The following DDC variants were observed in gnomAD, a reference collection of about 807,000 sequenced individuals.
DDC encodes the protein aromatic-L-amino-acid decarboxylase.
In DDC, 43 loss-of-function variants were observed where a neutral mutation model predicts 60.0. That is an observed-to-expected ratio of 0.72 (90% CI 0.56 to 0.92). The LOEUF (loss-of-function observed/expected upper bound fraction) is 0.92, where lower values mean the gene tolerates loss of function less well. DDC is among the 40% of genes least tolerant of loss of function. The pLI, the probability that DDC is intolerant of heterozygous loss-of-function variation, is 0.00. For missense variants in DDC, 573 were observed against 620.2 expected (o/e 0.92, Z 0.81); for synonymous variants, 232 against 234.6 (o/e 0.99, Z 0.10).
intron 10 of DDC, chr7:50,477,693 C>G (rs887196386): frequency 1.2e-5 from 4 of 343,928 alleles, no homozygotes; most frequent in African/African-American, 8.9e-5. Flanking sequence ...ACCTCCACCC[C>G]CTGTTTTATG....
rs561610700 is a variant in DDC at position 50,521,805 on chromosome 7, G to A, written c.714+6332C>T. Among the ~76,000 whole-genome samples the A allele has an allele frequency of 3.0e-4, 45 of 152,188 alleles. No homozygotes were observed. In the South Asian group the frequency reaches 9.1e-3, roughly 31 times the overall value. ...ACTCTTAACATCATACTTGATGAAT[G>A]AAAAACCTACTCTTAACATCATACT... On this transcript the variant is annotated intron_variant, in intron 6 of 14. Transcript: ENST00000444124.
intron 9 of DDC, among the ~76,000 whole-genome samples, chr7:50,487,412 A>G (rs963652174): frequency 6.6e-6 from 1 of 152,104 alleles, no homozygotes; most frequent in Non-Finnish European, 1.5e-5. Context: ...AGTTTATAAA[A>G]CACGCGAGGA....
intron 9 of DDC, among the ~76,000 whole-genome samples, chr7:50,483,345 AAC>A (rs1332004761): frequency 6.6e-6 from 1 of 152,220 alleles, no homozygotes; most frequent in East Asian, 1.9e-4. Flanking sequence ...ATCCAGATTA[AAC>A]ACAGTTTGGA....
intron 6 of DDC, among the ~76,000 whole-genome samples, chr7:50,513,450 A>G (rs2043640368): frequency 6.6e-6 from 1 of 152,186 alleles, no homozygotes. Flanking sequence ...GAACATTGTA[A>G]CAGTTCGAAC....
intron 1 of DDC, among the ~76,000 whole-genome samples, chr7:50,545,738 G>T (rs1029652493): frequency 6.6e-6 from 1 of 152,174 alleles, no homozygotes; most frequent in African/African-American, 2.4e-5. Flanking sequence ...CTCTCAAAGT[G>T]CTGGGATTAC....
intron 2 of DDC, chr7:50,542,910 G>A (rs1022550845): frequency 1.3e-5 from 2 of 152,286 alleles, no homozygotes; most frequent in African/African-American, 4.8e-5. Flanking sequence ...TCAGTGGACT[G>A]TAACCTTGTC....
At chr7:50,558,978 C>A (rs1381442271) in intron 1 of DDC, among the ~76,000 whole-genome samples, 4 of 152,230 alleles carry the variant, frequency 2.6e-5, no homozygotes, top group African/African-American at 9.6e-5. Flanking sequence ...CAGAAACAGG[C>A]AGAGGCTCAA....
At chr7:50,544,427 T>C (rs2044736464) in intron 1 of DDC, among the ~76,000 whole-genome samples, 1 of 152,182 alleles carries the variant, frequency 6.6e-6, no homozygotes, top group Admixed American at 6.5e-5. Context: ...TGACAAACAC[T>C]GGTCCAAGTC....
At chr7:50,496,555 G>A (rs890486508) in intron 8 of DDC, among the ~76,000 whole-genome samples, 1 of 152,112 alleles carries the variant, frequency 6.6e-6, no homozygotes, top group African/African-American at 2.4e-5. Context: ...ACCAAGAGTG[G>A]CAGAGGAGGA....
Position 50,483,909 on chromosome 7 carries a change from A to T in DDC, c.945-4046T>A, listed in dbSNP as rs1371632194. 3.6e-4 allele frequency among the ~76,000 whole-genome samples: 55 copies of T among 151,990 alleles called. No individual in the cohort carries two copies. In the East Asian group the frequency reaches 9.5e-3, roughly 26 times the overall value. ...ACAGAGCAAGATTCCATCTCAAAAA[A>T]AAAAAAAGAATAATAATTTGGGTAT... On this transcript the variant is annotated intron_variant, in intron 9 of 14. Transcript: ENST00000444124.
chr7:50,477,921 G>A (rs892209500), intron 10 of DDC, among the ~76,000 whole-genome samples: 1 of 152,076 alleles, frequency 6.6e-6, no homozygotes, highest in South Asian at 2.1e-4. Context: ...AATTGTCGAC[G>A]CCAGGCGTGG....
chr7:50,528,424 C>T, intron 5 of DDC, 144 bp from the exon 6 acceptor site: 1 of 936,146 alleles, frequency 1.1e-6, no homozygotes, highest in Non-Finnish European at 1.7e-6. Flanking sequence ...CTGACTGCTC[C>T]CTCTCCCCTG....
intron 5 of DDC, among the ~76,000 whole-genome samples, chr7:50,528,564 T>G (rs2044105291): frequency 6.6e-6 from 1 of 152,178 alleles, no homozygotes; most frequent in African/African-American, 2.4e-5. Context: ...TTCATTTGTT[T>G]GAACTCAAGG....
At chr7:50,519,417 T>C (rs116873817) in intron 6 of DDC, among the ~76,000 whole-genome samples, 2,687 of 152,212 alleles carry the variant, frequency 0.018, 160 homozygotes, top group Admixed American at 0.11. Context: ...AAATAAGTCA[T>C]TATTAGAAAG....
chr7:50,510,505 C>A (rs1429134821), intron 6 of DDC, among the ~76,000 whole-genome samples: 1 of 151,010 alleles, frequency 6.6e-6, no homozygotes, highest in Non-Finnish European at 1.5e-5. Context: ...CTCATCTCTA[C>A]CAAAAATACA....
intron 7 of DDC, 31 bp from the exon 8 acceptor site, chr7:50,499,273 A>G (rs770175291): frequency 6.6e-7 from 1 of 1,511,518 alleles, no homozygotes; most frequent in Non-Finnish European, 9.2e-7. Context: ...GTGAGTCCCC[A>G]GATGGATGCC....
Position 50,528,370 on chromosome 7 carries a change from C to T in DDC, c.571-90G>A. On this transcript the variant is annotated intron_variant, in intron 5 of 14. Transcript: ENST00000444124. ...GATCGGCAGAGAGCAGCCAACATTGCAAACACAAGGTCCCTCTTAACGGCA... is the reference window on the plus strand; with the variant it reads ...GATCGGCAGAGAGCAGCCAACATTGTAAACACAAGGTCCCTCTTAACGGCA... 3.9e-6 allele frequency: 6 copies of T among 1,532,756 alleles called. No individual in the cohort carries two copies. The South Asian group carries it at 5.6e-5, about 14-fold the overall frequency. 94.9% of individuals were successfully genotyped at this position (1,532,756 alleles called of 1,614,324 possible).
At chr7:50,552,813 C>A (rs905417340) in intron 1 of DDC, among the ~76,000 whole-genome samples, 18 of 152,164 alleles carry the variant, frequency 1.2e-4, no homozygotes, top group African/African-American at 4.3e-4. Context: ...TACTCTCTAC[C>A]TTTGAGACAA....
At chr7:50,510,443 CA>C (rs2043524975) in intron 6 of DDC, among the ~76,000 whole-genome samples, 1 of 152,082 alleles carries the variant, frequency 6.6e-6, no homozygotes, top group African/African-American at 2.4e-5. Flanking sequence ...CCAAGGCTGG[CA>C]GATCACTTGA....
Sources: allele counts gnomAD v4.1 joint callset (sites outside exome capture counted in the v4.1 genomes callset), GRCh38; gene constraint gnomAD v4.1.1; transcripts MANE v1.5; gene names NCBI Gene and HGNC (gene_info 2026-07-23, HGNC 2026-07-21).